AKR1B15: variants seen among roughly 807,000 people sequenced by gnomAD.
AKR1B15 encodes the protein aldo-keto reductase family 1 member B15.
In AKR1B15, 49 loss-of-function variants were observed where a neutral mutation model predicts 38.5. That is an observed-to-expected ratio of 1.27 (90% CI 1.01 to 1.62). The LOEUF is 1.62. Ranked by LOEUF, AKR1B15 falls within the 40% of genes most tolerant of loss-of-function variation. The pLI is 0.00. For missense variants in AKR1B15, 411 were observed against 381.6 expected (o/e 1.08, Z -0.64); for synonymous variants, 137 against 135.5 (o/e 1.01, Z -0.08).
At chr7:134,554,066 C>T (rs1268034182) in intron 1 of AKR1B15, among the ~76,000 whole-genome samples, 1 of 152,192 alleles carries the variant, frequency 6.6e-6, no homozygotes, top group African/African-American at 2.4e-5. Context: ...TACACAGAGC[C>T]ATCTATCAAG....
chr7:134,565,053 A>G, intron 3 of AKR1B15: 1 of 310,606 alleles, frequency 3.2e-6, no homozygotes, highest in South Asian at 6.3e-5. Flanking sequence ...AAAATGGAAC[A>G]ATCTGCAGGA....
At chr7:134,577,900 T>C (rs1399545400) in intron 11 of AKR1B15, 114 bp downstream of exon 11, 1 of 1,234,206 alleles carries the variant, frequency 8.1e-7, no homozygotes, top group Non-Finnish European at 1.1e-6. Context: ...AAATACTATT[T>C]TGGGGCAGTT....
chr7:134,555,102 C>T (rs1433116374), intron 1 of AKR1B15, among the ~76,000 whole-genome samples: 1 of 152,180 alleles, frequency 6.6e-6, no homozygotes, highest in Non-Finnish European at 1.5e-5. Context: ...GGAAGGGCTC[C>T]GCCTATCTTG....
chr7:134,566,290 G>A (rs571896025), intron 3 of AKR1B15, among the ~76,000 whole-genome samples: 1 of 152,124 alleles, frequency 6.6e-6, no homozygotes, highest in Non-Finnish European at 1.5e-5. Context: ...GTGAGATCCC[G>A]TGTAAGAGAA....
At chr7:134,575,744 T>C (rs1794755106) in intron 7 of AKR1B15, 77 bp from the exon 8 acceptor site, 1 of 1,593,980 alleles carries the variant, frequency 6.3e-7, no homozygotes, top group East Asian at 2.2e-5. Flanking sequence ...GTGGACTTTT[T>C]TTGTGTGTAG....
intron 6 of AKR1B15, among the ~76,000 whole-genome samples, chr7:134,574,355 T>C (rs1299501399): frequency 6.6e-6 from 1 of 152,104 alleles, no homozygotes; most frequent in African/African-American, 2.4e-5. Context: ...CTCTTTTCTC[T>C]CTCTCGGGGT....
In AKR1B15 at chr7:134,564,724, G is replaced by A. The variant is rs1346446997; in HGVS notation, c.105G>A (p.Leu35=). Residue 35 remains leucine (L), a synonymous_variant, in exon 3 of 12, where the codon CTG becomes CTA. Transcript: ENST00000457545. The part of the protein sequence containing the change: ...GPLTGLKSSL[L]KDTTSAGPLL... ...TGACTGGCCTAAAGAGTTCCCTTCT[G>A]AAGGACACTACAAGTGCAGGGCCCC... 1.4e-6 allele frequency: 1 copy of A among 696,514 alleles called. No individual in the cohort carries two copies. Among genetic ancestry groups the A allele is most frequent in the Non-Finnish European group, 2.6e-6 (1 of 382,864 alleles). The allele number at this position is 696,514 out of a possible 1,614,324, so 43.1% of individuals were successfully genotyped here.
At position 134,576,973 on chromosome 7, in the gene AKR1B15, G is replaced by A. The variant is rs375218589; in HGVS notation, c.836G>A (p.Arg279His). 4.7e-5 allele frequency: 76 copies of A among 1,613,588 alleles called. 1 individual carries two copies. In the Middle Eastern group the frequency reaches 9.9e-4, roughly 21 times the overall value. The change falls in exon 10 of 12, where the codon CGT (arginine) becomes CAT (histidine). Residue 279 changes from arginine to histidine, a missense_variant. Physicochemically the swap from Arg to His is conservative, Grantham distance 29. Coordinates refer to ENST00000457545, the MANE Select transcript of AKR1B15 (RefSeq NM_001080538.3). Reference sequence around the variant, plus strand: ...CCCCTTTCTGCACAGGTTCTGATCCGTTTCCATATCCAGAGGAATGTGACA... The same window carrying A: ...CCCCTTTCTGCACAGGTTCTGATCCATTTCCATATCCAGAGGAATGTGACA... ...HKKTTAQVLI[R>H]FHIQRNVTVI...
chr7:134,566,553 G>A (rs946281635), intron 3 of AKR1B15, among the ~76,000 whole-genome samples: 1 of 152,142 alleles, frequency 6.6e-6, no homozygotes, highest in Admixed American at 6.5e-5. Flanking sequence ...GTTTGAAGTT[G>A]TTCCATCACT....
chr7:134,566,041 C>T (rs2117649503), intron 3 of AKR1B15, among the ~76,000 whole-genome samples: 1 of 152,286 alleles, frequency 6.6e-6, no homozygotes, highest in East Asian at 1.9e-4. Flanking sequence ...TGCCTGTAAT[C>T]CCAGCACTTT....
rs768362403 is a variant in AKR1B15, at chr7:134,568,114, A to T, written c.151-44A>T. 3.8e-5 allele frequency: 49 copies of T among 1,301,334 alleles called. 1 individual carries two copies. The African/African-American group carries it at 5.6e-4, about 15-fold the overall frequency. The allele number at this position is 1,301,334 out of a possible 1,614,324, so 80.6% of individuals were successfully genotyped here. On this transcript the variant is annotated intron_variant, in intron 3 of 11. Transcript: ENST00000457545. ...GCAACATGGCAAGGTCTCATCTCTT[A>T]AAAAAAAAATACATGTGTGATGGGC...
At chr7:134,579,333 C>A (rs1036329934) in intron 11 of AKR1B15, among the ~76,000 whole-genome samples, 174 bp from the exon 12 acceptor site, 1 of 152,138 alleles carries the variant, frequency 6.6e-6, no homozygotes, top group Non-Finnish European at 1.5e-5. Flanking sequence ...CCTAGCAAAA[C>A]CCTCATATCG....
chr7:134,573,944 G>C (rs1794712688), intron 6 of AKR1B15, among the ~76,000 whole-genome samples: 1 of 152,198 alleles, frequency 6.6e-6, no homozygotes, highest in South Asian at 2.1e-4. Flanking sequence ...CTGTTGCCCA[G>C]AGTAGAGTAC....
At chr7:134,561,801 G>T (rs1302265174) in intron 2 of AKR1B15, among the ~76,000 whole-genome samples, 1 of 152,106 alleles carries the variant, frequency 6.6e-6, no homozygotes, top group Non-Finnish European at 1.5e-5. Context: ...TCCCTAGACT[G>T]CTGACTACCA....
At chr7:134,573,589 T>G (rs923307460) in intron 6 of AKR1B15, 9 of 973,248 alleles carry the variant, frequency 9.2e-6, no homozygotes, top group Non-Finnish European at 1.1e-5. Context: ...AGAAACCTCA[T>G]TGACTACCCT....
chr7:134,574,321 G>C (rs1794719584), intron 6 of AKR1B15, among the ~76,000 whole-genome samples: 1 of 152,084 alleles, frequency 6.6e-6, no homozygotes, highest in South Asian at 2.1e-4. Flanking sequence ...CTGCCTTCCT[G>C]TGTCATATGC....
intron 11 of AKR1B15, among the ~76,000 whole-genome samples, chr7:134,578,293 C>T (rs541698422): frequency 2.2e-4 from 33 of 152,212 alleles, no homozygotes; most frequent in South Asian, 1.0e-3. Flanking sequence ...ATCCTTTATA[C>T]GGGTTGGGTC....
At chr7:134,557,273 G>A (rs966995575) in intron 2 of AKR1B15, among the ~76,000 whole-genome samples, 5 of 152,076 alleles carry the variant, frequency 3.3e-5, no homozygotes, top group Admixed American at 6.6e-5. Context: ...GTAAAGCAAC[G>A]CATAGCTTCT....
At chr7:134,549,598 A>T (rs1338695113) in intron 1 of AKR1B15, among the ~76,000 whole-genome samples, 1 of 152,096 alleles carries the variant, frequency 6.6e-6, no homozygotes, top group African/African-American at 2.4e-5. Context: ...TGGTGACCTC[A>T]TAAGGCTTAG....
Sources: gnomAD v4.1 joint callset for allele counts (sites outside exome capture counted in the v4.1 genomes callset) on GRCh38, gnomAD v4.1.1 for gene constraint, MANE v1.5 for transcripts, NCBI Gene and HGNC (gene_info 2026-07-23, HGNC 2026-07-21) for gene names.